The following PPM1B variants were observed in gnomAD, a reference collection of about 807,000 sequenced individuals.
The protein encoded by PPM1B is protein phosphatase 1B.
A neutral mutation model predicts 43.0 loss-of-function variants in PPM1B; 22 were observed. That is an observed-to-expected ratio of 0.51 (90% CI 0.37 to 0.73). PPM1B has a LOEUF of 0.73. PPM1B is among the 30% of genes least tolerant of loss of function. PPM1B has a pLI of 0.00. For synonymous variants in PPM1B, 217 were observed against 197.9 expected (o/e 1.10, Z -0.81); for missense variants, 632 against 584.2 (o/e 1.08, Z -0.84).
chr2:44,231,164 A>G lies in PPM1B; in HGVS notation c.*446A>G. 2.0e-6 allele frequency: 2 copies of G among 981,646 alleles called. No individual in the cohort carries two copies. The highest frequency in any genetic ancestry group is 2.4e-6 in the Non-Finnish European group (2 of 826,418). 60.8% of individuals were successfully genotyped at this position (981,646 alleles called of 1,614,324 possible). ...TTTAATAATTTTAGTTCTTCAAAGAATGGCTGATGCTGGCCTGTAATTTTT... is the reference window on the plus strand; with the variant it reads ...TTTAATAATTTTAGTTCTTCAAAGAGTGGCTGATGCTGGCCTGTAATTTTT... On this transcript the variant is annotated 3_prime_UTR_variant, in exon 6 of 6. Coordinates refer to ENST00000282412, the MANE Select transcript of PPM1B (RefSeq NM_002706.6).
intron 3 of PPM1B, among the ~76,000 whole-genome samples, chr2:44,211,449 C>G (rs909209990): frequency 6.6e-6 from 1 of 152,068 alleles, no homozygotes; most frequent in South Asian, 2.1e-4. Flanking sequence ...GGAAGTGATT[C>G]TAGATTCTTC....
In PPM1B at chr2:44,224,578, C is replaced by T. The variant is rs553422188; in HGVS notation, c.1135-5835C>T. Reference sequence around the variant, plus strand: ...TTAAAATGTGCTTAGTTCCCTTCCCCCTCCTATTACTACTCTCTGCTTGAT... The same window carrying T: ...TTAAAATGTGCTTAGTTCCCTTCCCTCTCCTATTACTACTCTCTGCTTGAT... On this transcript the variant is annotated intron_variant, in intron 5 of 5. Coordinates refer to ENST00000282412, the MANE Select transcript of PPM1B (RefSeq NM_002706.6). Among the ~76,000 whole-genome samples the T allele has an allele frequency of 1.5e-3, 235 of 152,152 alleles. 1 individual carries two copies. Among genetic ancestry groups the T allele is most frequent in the Admixed American group, 2.9e-3 (45 of 15,284 alleles).
At chr2:44,234,311 G>C (rs1471813278), downstream of PPM1B, 1 of 769,850 alleles carries the variant, frequency 1.3e-6, no homozygotes, top group Non-Finnish European at 1.6e-6. Context: ...ACGAGGTCAA[G>C]AGATCGTGAC....
chr2:44,219,792 T>A (rs5024499), intron 5 of PPM1B, among the ~76,000 whole-genome samples: 123,647 of 151,810 alleles, frequency 0.81, 50,504 homozygotes, highest in South Asian at 0.9. Flanking sequence ...AAACATACGA[T>A]ATTAACTGGG....
At chr2:44,211,476 A>AGG (rs1669464190) in intron 3 of PPM1B, among the ~76,000 whole-genome samples, 1 of 152,190 alleles carries the variant, frequency 6.6e-6, no homozygotes, top group South Asian at 2.1e-4. Context: ...CATCACAATC[A>AGG]GGGAGGCATG....
chr2:44,192,751 C>G (rs999809485), intron 1 of PPM1B, among the ~76,000 whole-genome samples: 4 of 152,198 alleles, frequency 2.6e-5, no homozygotes, highest in African/African-American at 9.6e-5. Context: ...TGGTAACTAC[C>G]ATTCTACTCT....
intron 5 of PPM1B, among the ~76,000 whole-genome samples, chr2:44,240,677 T>TATG (rs1336945634): frequency 4.8e-5 from 7 of 146,336 alleles, no homozygotes; most frequent in Admixed American, 4.8e-4. Context: ...TCCTGGGCCT[T>TATG]TGAAAAGACA....
chr2:44,218,062 G>T lies in PPM1B; in HGVS notation c.1060G>T (p.Gly354Ter). The T allele has an allele frequency of 6.2e-7, 1 of 1,612,362 alleles. No individual in the cohort carries two copies. The highest frequency in any genetic ancestry group is 8.5e-7 in the Non-Finnish European group (1 of 1,179,190). ...AENIPNLPPG[G>*]GLAGKRNVIE... Reference sequence around the variant, plus strand: ...AAATATCCCAAATTTGCCTCCTGGGGGAGGTCTTGCTGGCAAGTAAGTAGA... The same window carrying T: ...AAATATCCCAAATTTGCCTCCTGGGTGAGGTCTTGCTGGCAAGTAAGTAGA... The change falls in exon 4 of 6, where the codon GGA becomes TGA. Residue 354 changes from glycine to a stop codon, truncating the protein, a stop_gained. Transcript: ENST00000282412. LOFTEE classifies it high-confidence loss of function.
chr2:44,242,919 C>T (rs975138562), intron 5 of PPM1B, among the ~76,000 whole-genome samples: 1 of 152,116 alleles, frequency 6.6e-6, no homozygotes, highest in Non-Finnish European at 1.5e-5. Flanking sequence ...CCTTTCAATA[C>T]TGTAATACTG....
downstream of PPM1B, chr2:44,234,640 A>G (rs1483124357): frequency 6.1e-6 from 6 of 983,432 alleles, no homozygotes; most frequent in Non-Finnish European, 7.2e-6. Flanking sequence ...GTGTTGACTC[A>G]TCTGAATTTC....
At chr2:44,220,856 C>T (rs567997056) in intron 5 of PPM1B, among the ~76,000 whole-genome samples, 6 of 152,298 alleles carry the variant, frequency 3.9e-5, no homozygotes, top group African/African-American at 1.4e-4. Context: ...GTAGAAATGA[C>T]ATGAGGATGA....
At chr2:44,178,717 G>A (rs1357408001) in intron 1 of PPM1B, among the ~76,000 whole-genome samples, 3 of 151,692 alleles carry the variant, frequency 2.0e-5, no homozygotes, top group African/African-American at 7.3e-5. Context: ...TGATCCTCCC[G>A]CCATGGCCTC....
At chr2:44,202,968 C>T (rs1669009113) in intron 2 of PPM1B, among the ~76,000 whole-genome samples, 1 of 152,050 alleles carries the variant, frequency 6.6e-6, no homozygotes, top group Non-Finnish European at 1.5e-5. Context: ...GTAAAACTGA[C>T]CTTTAGTTAC....
At chr2:44,204,798 G>T in intron 2 of PPM1B, among the ~76,000 whole-genome samples, 1 of 143,238 alleles carries the variant, frequency 7.0e-6, no homozygotes, top group East Asian at 2.0e-4. Context: ...GGCAGAGCTT[G>T]CAGTGAGCCG....
Position 44,217,961 on chromosome 2 carries a change from C to T in PPM1B, c.965-6C>T, listed in dbSNP as rs1343058176. 2 of 1,574,734 alleles carry T rather than the reference C, an allele frequency of 1.3e-6. No individual in the cohort carries two copies. Among genetic ancestry groups the T allele is most frequent in the African/African-American group, 1.4e-5 (1 of 72,436 alleles). On this transcript the variant is annotated splice_polypyrimidine_tract_variant and splice_region_variant and intron_variant, in intron 3 of 5. Transcript: ENST00000282412. Reference sequence around the variant, plus strand: ...AATTTAGGAACTTTTTTTAAAAAACCTACAGAGATTATGGAGAAGTCTGGC... The same window carrying T: ...AATTTAGGAACTTTTTTTAAAAAACTTACAGAGATTATGGAGAAGTCTGGC...
intron 5 of PPM1B, among the ~76,000 whole-genome samples, chr2:44,227,816 G>A (rs182544821): frequency 7.9e-5 from 12 of 151,630 alleles, no homozygotes; most frequent in African/African-American, 2.2e-4. Flanking sequence ...TACTGTGCCC[G>A]GCCCAGTATC....
At chr2:44,227,888 A>C (rs918676622) in intron 5 of PPM1B, among the ~76,000 whole-genome samples, 1 of 145,990 alleles carries the variant, frequency 6.8e-6, no homozygotes, top group Non-Finnish European at 1.5e-5. Context: ...CGTCTGAGGC[A>C]GGAAAACAAG....
intron 1 of PPM1B, among the ~76,000 whole-genome samples, chr2:44,176,105 C>T (rs904278514): frequency 6.6e-6 from 1 of 151,812 alleles, no homozygotes; most frequent in Non-Finnish European, 1.5e-5. Context: ...TAAAAGATGA[C>T]CCAAAGAGAG....
chr2:44,227,240 G>T (rs1001929640), intron 5 of PPM1B, among the ~76,000 whole-genome samples: 3 of 152,158 alleles, frequency 2.0e-5, no homozygotes, highest in African/African-American at 2.4e-5. Flanking sequence ...CTCCCAAAGT[G>T]CTGGGATTAC....
Sources: gnomAD v4.1 joint callset for allele counts (sites outside exome capture counted in the v4.1 genomes callset) on GRCh38, gnomAD v4.1.1 for gene constraint, MANE v1.5 for transcripts, NCBI Gene and HGNC (gene_info 2026-07-23, HGNC 2026-07-21) for gene names.